SUPT16H: variants seen among roughly 807,000 people sequenced by gnomAD.
SUPT16H encodes the protein SPT16 homolog, facilitates chromatin remodeling subunit.
In SUPT16H, 24 loss-of-function variants were observed where a neutral mutation model predicts 136.2. The ratio of observed to expected loss-of-function variants is 0.18; its 90% confidence interval spans 0.13 to 0.25. The LOEUF (loss-of-function observed/expected upper bound fraction) is 0.25. Ranked by LOEUF, SUPT16H falls within the 10% of genes least tolerant of loss-of-function variation. The probability of loss-of-function intolerance (pLI) is 1.00; values close to 1 mark genes in which losing one functional copy is unlikely to be tolerated. For synonymous variants in SUPT16H, 415 were observed against 428.2 expected, an observed-to-expected ratio of 0.97 and a Z score of 0.38; for missense variants, 623 against 1,270.2, an observed-to-expected ratio of 0.49 and a Z score of 7.74.
intron 7 of SUPT16H, 99 bp downstream of exon 7, chr14:21,368,170 C>T (rs899006419): frequency 1.8e-5 from 23 of 1,251,750 alleles, no homozygotes; most frequent in African/African-American, 1.5e-4. Context: ...CCTCCTGCCT[C>T]GGCCTCCCAG....
At chr14:21,364,026 T>C (rs868508151) in intron 10 of SUPT16H, among the ~76,000 whole-genome samples, 6 of 152,318 alleles carry the variant, frequency 3.9e-5, no homozygotes, top group South Asian at 4.1e-4. Context: ...TAATACAGGT[T>C]TGATTTGAAG....
At chr14:21,382,734 A>G (rs1399661414) in intron 1 of SUPT16H, among the ~76,000 whole-genome samples, 2 of 152,234 alleles carry the variant, frequency 1.3e-5, no homozygotes, top group African/African-American at 4.8e-5. Flanking sequence ...ATTAAAAAAA[A>G]TAAAATGTTC....
At chr14:21,352,849 T>C (rs769416182) in intron 25 of SUPT16H, 31 bp from the exon 26 acceptor site, 5 of 1,613,890 alleles carry the variant, frequency 3.1e-6, no homozygotes, top group Non-Finnish European at 4.2e-6. Flanking sequence ...TAGTTAGCAA[T>C]AGGTAAGCTT....
intron 15 of SUPT16H, chr14:21,361,455 T>C: frequency 1.9e-6 from 1 of 533,402 alleles, no homozygotes; most frequent in East Asian, 3.8e-5. Context: ...TACCTGGGAT[T>C]ACAGGTACAC....
intron 2 of SUPT16H, chr14:21,372,591 G>C: frequency 2.5e-6 from 1 of 401,508 alleles, no homozygotes; most frequent in Non-Finnish European, 4.8e-6. Context: ...TTTCTTCTCT[G>C]TCTCTTTTTG....
At chr14:21,370,047 G>A (rs1437743844) in intron 4 of SUPT16H, 151 bp from the exon 5 acceptor site, 3 of 1,034,956 alleles carry the variant, frequency 2.9e-6, no homozygotes, top group Non-Finnish European at 2.8e-6. Flanking sequence ...TTCTTGAACT[G>A]AATAAACATT....
At chr14:21,370,687 T>C (rs4982446) in intron 3 of SUPT16H, among the ~76,000 whole-genome samples, 199 bp from the exon 4 acceptor site, 124,059 of 152,108 alleles carry the variant, frequency 0.82, 51,759 homozygotes, top group South Asian at 0.91. Flanking sequence ...GATCACAGCT[T>C]ACTGCAACCT....
chr14:21,364,549 T>C (rs908258598), intron 10 of SUPT16H, among the ~76,000 whole-genome samples: 1 of 152,186 alleles, frequency 6.6e-6, no homozygotes, highest in Non-Finnish European at 1.5e-5. Context: ...AAAGCTGTTA[T>C]TAAAAAGAAA....
rs756418970 is a variant in SUPT16H, at chr14:21,363,124, C to T, written c.1421G>A (p.Arg474Gln). ...CGCTAGTTCTTTCTGATGTGCTCTTCGCTTCTCTTCTGCAGTCATTTCATT... is the reference window on the plus strand; with the variant it reads ...CGCTAGTTCTTTCTGATGTGCTCTTTGCTTCTCTTCTGCAGTCATTTCATT... ...TRNEMTAEEKRRAHQKELAAQ... is the reference protein window; with the variant it reads ...TRNEMTAEEKQRAHQKELAAQ... The change falls in exon 13 of 26, where the codon CGA (arginine) becomes CAA (glutamine). Residue 474 changes from arginine to glutamine, a missense_variant. By Grantham distance (43) the Arg-to-Gln change is conservative (BLOSUM62 1). Transcript: ENST00000216297. The T allele has an allele frequency of 1.2e-6, 2 of 1,613,824 alleles. No individual in the cohort carries two copies. Among genetic ancestry groups the T allele is most frequent in the Non-Finnish European group, 1.7e-6 (2 of 1,180,030 alleles).
chr14:21,380,671 T>C (rs1449678914), intron 1 of SUPT16H, among the ~76,000 whole-genome samples: 3 of 152,158 alleles, frequency 2.0e-5, no homozygotes, highest in Non-Finnish European at 4.4e-5. Flanking sequence ...GTATTCCTTC[T>C]GAAAACAAAT....
At chr14:21,373,690 G>A (rs894406193) in intron 1 of SUPT16H, among the ~76,000 whole-genome samples, 11 of 152,094 alleles carry the variant, frequency 7.2e-5, no homozygotes, top group African/African-American at 1.9e-4. Flanking sequence ...AGTGACAAAC[G>A]TCCTGTGTAA....
chr14:21,352,803 C>T lies in SUPT16H; in HGVS notation c.3014G>A (p.Arg1005His), dbSNP rs755239634. 1.5e-5 allele frequency: 24 copies of T among 1,613,810 alleles called. No homozygotes were observed. In the East Asian group the frequency reaches 1.8e-4, roughly 12 times the overall value. Reference protein sequence around the residue: ...EEARKADRESRYEEEEEQSRS... With the variant: ...EEARKADRESHYEEEEEQSRS... The stretch of plus-strand genomic sequence containing the variant: ...ACTTTGTTCTTCTTCTTCCTCGTAA[C>T]GACTTTCTCGGTCCGCTAAATAGAA... Residue 1005 changes from arginine to histidine, a missense_variant, in exon 26 of 26, where the codon CGT becomes CAT. Physicochemically the swap from Arg to His is conservative, Grantham distance 29. Around this residue, in one of 7 missense-constraint regions of SUPT16H, gnomAD observed 88 missense variants for 135.5 expected, o/e 0.65. Transcript: ENST00000216297.
At chr14:21,360,339 A>G in intron 18 of SUPT16H, 76 bp downstream of exon 18, 3 of 1,205,532 alleles carry the variant, frequency 2.5e-6, no homozygotes, top group Non-Finnish European at 3.6e-6. Context: ...TTTCATCACT[A>G]TTTTATAGGA....
Position 21,363,264 on chromosome 14 carries a change from G to A in SUPT16H, c.1364C>T (p.Ser455Phe). 2 of 1,613,900 alleles carry A rather than the reference G, an allele frequency of 1.2e-6. No individual in the cohort carries two copies. The highest frequency in any genetic ancestry group is 1.7e-6 in the Non-Finnish European group (2 of 1,179,924). ...DEAEDLLGRGSRAALLTERTR... is the reference protein window; with the variant it reads ...DEAEDLLGRGFRAALLTERTR... ...TCTTTCTGTAAGTAATGCTGCCCGA[G>A]AACCTCTTCCCAAAAGGTCCTCTGC... The change falls in exon 12 of 26, where the codon TCT becomes TTT. Residue 455 changes from serine (S) to phenylalanine (F), a missense_variant. Transcript: ENST00000216297.
At chr14:21,372,218 A>C in intron 2 of SUPT16H, 174 bp from the exon 3 acceptor site, 1 of 627,484 alleles carries the variant, frequency 1.6e-6, no homozygotes, top group Admixed American at 3.3e-5. Flanking sequence ...CCAAGAGTCG[A>C]CAATTTATTA....
chr14:21,355,954 T>C (rs1326170146), intron 22 of SUPT16H, among the ~76,000 whole-genome samples: 2 of 152,132 alleles, frequency 1.3e-5, no homozygotes, highest in African/African-American at 4.8e-5. Context: ...TTTTCAGACA[T>C]TGGATAAAAA....
chr14:21,361,363 C>A (rs781339292), intron 15 of SUPT16H, 150 bp from the exon 16 acceptor site: 4 of 946,860 alleles, frequency 4.2e-6, no homozygotes, highest in African/African-American at 1.9e-5. Flanking sequence ...GTCACCCAGG[C>A]TGGAGTGCAG....
At position 21,383,972 on chromosome 14, in the gene SUPT16H, G is replaced by A. The variant is rs777965180; in HGVS notation, c.-45C>T. On this transcript the variant is annotated 5_prime_UTR_variant, in exon 1 of 26. Transcript: ENST00000216297. ...CCTCGGGTTCCGAGAATCACGCGAG[G>A]TCCCGGCTCAGCCACCCGCTCTCGG... 7.5e-6 allele frequency: 12 copies of A among 1,610,448 alleles called. No individual in the cohort carries two copies. Among genetic ancestry groups the A allele is most frequent in the South Asian group, 5.5e-5 (5 of 90,962 alleles).
rs1295251643 is a variant in SUPT16H at position 21,360,765 on chromosome 14, T to C, written c.2056+81A>G. 3 of 1,544,960 alleles carry C rather than the reference T, an allele frequency of 1.9e-6. No homozygotes were observed. The African/African-American group carries it at 4.1e-5, about 21-fold the overall frequency. On this transcript the variant is annotated intron_variant, in intron 17 of 25. Transcript: ENST00000216297. ...GAGCTAACCGGCGGATGGCTCTTTG[T>C]CATATTTTATTATCTGATCTGTCAT...
Sources: gnomAD v4.1 joint callset for allele counts (sites outside exome capture counted in the v4.1 genomes callset) on GRCh38, gnomAD v4.1.1 for gene constraint, gnomAD v4.1.1 regional missense constraint, MANE v1.5 for transcripts, NCBI Gene and HGNC (gene_info 2026-07-23, HGNC 2026-07-21) for gene names.